Variants in OSR1 observed in about 807,000 individuals in gnomAD.
OSR1 encodes odd-skipped related transcription factor 1.
A neutral mutation model predicts 15.7 loss-of-function variants in OSR1; 3 were observed. That is an observed-to-expected ratio of 0.19 (90% confidence interval 0.09 to 0.50). The LOEUF is 0.50. Among genes scored for constraint, OSR1 ranks in the 20% least tolerant of loss-of-function variants. The pLI, the probability that OSR1 is intolerant of heterozygous loss-of-function variation, is 0.97. For missense variants in OSR1, 271 were observed against 351.1 expected, an observed-to-expected ratio of 0.77 and a Z score of 1.82; for synonymous variants, 166 against 152.7, an observed-to-expected ratio of 1.09 and a Z score of -0.64.
chr2:19,352,158 G>T lies in OSR1; in HGVS notation c.*117C>A. ...CGCCAGGGACCCAGGGGACAATGTT[G>T]GAGAGGTGGAAGGTCCCGAGCGAGC... is the stretch of plus-strand genomic sequence containing the variant. On this transcript the variant is annotated 3_prime_UTR_variant, in exon 3 of 3. Transcript: ENST00000272223. 8.3e-7 allele frequency: 1 copy of T among 1,206,656 alleles called. No homozygotes were observed. The highest frequency in any genetic ancestry group is 1.1e-6 in the Non-Finnish European group (1 of 874,134). The allele number at this position is 1,206,656 out of a possible 1,614,324, so 74.7% of individuals were successfully genotyped here.
downstream of OSR1, among the ~76,000 whole-genome samples, chr2:19,347,939 T>C (rs562799345): frequency 1.3e-4 from 20 of 152,356 alleles, 1 homozygote; most frequent in South Asian, 3.7e-3. Context: ...CCCCTGAGTT[T>C]GTGATCCCCA....
chr2:19,352,614 C>T (rs1410235991), intron 2 of OSR1, among the ~76,000 whole-genome samples: 1 of 152,020 alleles, frequency 6.6e-6, no homozygotes. Flanking sequence ...GATCCTTAAA[C>T]AGGTTCAGCC....
At position 19,353,712 on chromosome 2, in the gene OSR1, T is replaced by C; in HGVS notation, c.94A>G (p.Thr32Ala). The C allele has an allele frequency of 1.2e-6, 2 of 1,614,090 alleles. No individual in the cohort carries two copies. The highest frequency in any genetic ancestry group is 2.2e-5 in the East Asian group (1 of 44,864). The stretch of plus-strand genomic sequence containing the variant: ...TTGGGCAGATGGTCCGAAGGCACTG[T>C]GGGCAGGCCGTTCACTGCCTGAAGG... ...SFLQAVNGLP[T>A]VPSDHLPNLY... The change falls in exon 2 of 3, where the codon ACA becomes GCA. Residue 32 changes from threonine (T) to alanine (A), a missense_variant. Thr to Ala is a moderately conservative substitution (Grantham distance 58). Around this residue, in one of 4 missense-constraint regions of OSR1, gnomAD observed 210 missense variants for 218.4 expected, o/e 0.96. Transcript: ENST00000272223.
intron 1 of OSR1, chr2:19,354,780 A>C (rs2103362303): frequency 6.6e-6 from 1 of 152,070 alleles, no homozygotes; most frequent in South Asian, 2.1e-4. Context: ...TAGTGCCCTC[A>C]CTCCCCCAAA....
At position 19,351,688 on chromosome 2, in the gene OSR1, C is replaced by G. The variant is rs929396246; in HGVS notation, c.*587G>C. ...AGGTCCCCGTCCCGCTCTCCTAGTC[C>G]CGGAGCCCACGGCCGCCAGCTGAGC... On this transcript the variant is annotated 3_prime_UTR_variant, in exon 3 of 3. Coordinates refer to ENST00000272223, the MANE Select transcript of OSR1 (RefSeq NM_145260.3). The G allele has an allele frequency of 6.5e-6, 1 of 152,866 alleles. No individual in the cohort carries two copies. The highest frequency in any genetic ancestry group is 2.1e-4 in the South Asian group (1 of 4,838). 9.5% of individuals were successfully genotyped at this position (152,866 alleles called of 1,614,324 possible). A position where few individuals can be genotyped will look rare whatever the true frequency, so the allele number is the denominator to read the frequency against.
At position 19,353,485 on chromosome 2, in the gene OSR1, G is replaced by A; in HGVS notation, c.321C>T (p.Ser107=). ...GCGGCTTGGTCTTGAGCGCTGGAAC[G>A]CTGCCTCCAGCGGTGATCTCGGGCT... is the stretch of plus-strand genomic sequence containing the variant. The part of the protein sequence containing the change: ...QPKPEITAGG[S]VPALKTKPRF... Residue 107 remains serine (S), a synonymous_variant, in exon 2 of 3, where the codon AGC becomes AGT. Coordinates refer to ENST00000272223, the MANE Select transcript of OSR1 (RefSeq NM_145260.3). 1.2e-6 allele frequency: 2 copies of A among 1,614,140 alleles called. No homozygotes were observed. The highest frequency in any genetic ancestry group is 1.7e-6 in the Non-Finnish European group (2 of 1,179,974).
chr2:19,351,034 C>A (rs530553339), downstream of OSR1, among the ~76,000 whole-genome samples: 6 of 152,084 alleles, frequency 3.9e-5, no homozygotes, highest in Non-Finnish European at 7.4e-5. Context: ...TCTGTGAGGG[C>A]GGGTCCTTCC....
Position 19,353,746 on chromosome 2 carries a change from G to C in OSR1, c.60C>G (p.Asn20Lys), listed in dbSNP as rs755336350. Residue 20 changes from asparagine (N) to lysine (K), a missense_variant, in exon 2 of 3, where the codon AAC becomes AAG. Asn to Lys is a moderately conservative substitution (Grantham distance 94). Transcript: ENST00000272223. ...CGTTCACTGCCTGAAGGAAGGAGTA[G>C]TTGGTGAGCTGCAGGGAAGGGTGGA... is the stretch of plus-strand genomic sequence containing the variant. ...VPIHPSLQLT[N>K]YSFLQAVNGL... 1.2e-6 allele frequency: 2 copies of C among 1,614,038 alleles called. No homozygotes were observed. Among genetic ancestry groups the C allele is most frequent in the East Asian group, 4.5e-5 (2 of 44,870 alleles).
downstream of OSR1, among the ~76,000 whole-genome samples, chr2:19,348,074 G>C (rs1664766695): frequency 6.6e-6 from 1 of 152,258 alleles, no homozygotes; most frequent in Non-Finnish European, 1.5e-5. Context: ...CAGTGGGAGA[G>C]GAGGGCGGGG....
chr2:19,356,073 C>G (rs1157526798), intron 1 of OSR1: 1 of 152,584 alleles, frequency 6.6e-6, no homozygotes, highest in Non-Finnish European at 1.5e-5. Flanking sequence ...TCCCCCTGCT[C>G]CTCTGGGTGC....
chr2:19,356,492 C>G (rs566223958), intron 1 of OSR1: 1 of 152,346 alleles, frequency 6.6e-6, no homozygotes, highest in East Asian at 1.9e-4. Flanking sequence ...GCCGAAAGCA[C>G]GATCCGGTTT....
chr2:19,346,138 A>C, the OSR1 span, among the ~76,000 whole-genome samples: 30 of 152,236 alleles, frequency 2.0e-4, no homozygotes, highest in African/African-American at 7.2e-4. Flanking sequence ...CTCACTAGCA[A>C]AAAAAGTTGA....
intron 1 of OSR1, chr2:19,355,357 C>G (rs984289735): frequency 1.3e-5 from 2 of 152,698 alleles, no homozygotes; most frequent in African/African-American, 4.8e-5. Flanking sequence ...GCTCTGCTCC[C>G]TAGTTTGGCG....
In OSR1 at chr2:19,353,767, G is replaced by A. The variant is rs1484242805; in HGVS notation, c.39C>T (p.His13=). 1.2e-6 allele frequency: 2 copies of A among 1,613,316 alleles called. No individual in the cohort carries two copies. Among genetic ancestry groups the A allele is most frequent in the South Asian group, 1.1e-5 (1 of 90,974 alleles). Residue 13 remains histidine, a synonymous_variant, in exon 2 of 3, where the codon CAC becomes CAT. Coordinates refer to ENST00000272223, the MANE Select transcript of OSR1 (RefSeq NM_145260.3). The stretch of plus-strand genomic sequence containing the variant: ...AGTAGTTGGTGAGCTGCAGGGAAGG[G>A]TGGATAGGCACCGGCGCCGGCAAGG... ...SKTLPAPVPI[H]PSLQLTNYSF...
chr2:19,347,601 G>A (rs1664753372), downstream of OSR1, among the ~76,000 whole-genome samples: 1 of 152,208 alleles, frequency 6.6e-6, no homozygotes, highest in African/African-American at 2.4e-5. Context: ...CTACCAACTG[G>A]GCTCTAGAGA....
chr2:19,349,196 C>G (rs1330040853), downstream of OSR1, among the ~76,000 whole-genome samples: 1 of 152,224 alleles, frequency 6.6e-6, no homozygotes, highest in African/African-American at 2.4e-5. Flanking sequence ...TGAGTATGAG[C>G]AGGAAACTGG....
chr2:19,355,158 C>CAGGA (rs1174604530), intron 1 of OSR1: 1 of 152,328 alleles, frequency 6.6e-6, no homozygotes, highest in Admixed American at 6.5e-5. Context: ...AAGCACTGAA[C>CAGGA]TCCTGGCTCT....
downstream of OSR1, among the ~76,000 whole-genome samples, chr2:19,349,851 G>T (rs537154079): frequency 3.9e-5 from 6 of 152,184 alleles, no homozygotes; most frequent in African/African-American, 1.2e-4. Flanking sequence ...ACCATGGCCC[G>T]CAGCCTCCTG....
At position 19,353,755 on chromosome 2, in the gene OSR1, C is replaced by G; in HGVS notation, c.51G>C (p.Gln17His). 6.2e-7 allele frequency: 1 copy of G among 1,613,876 alleles called. No individual in the cohort carries two copies. Among genetic ancestry groups the G allele is most frequent in the Non-Finnish European group, 8.5e-7 (1 of 1,179,930 alleles). ...PAPVPIHPSL[Q>H]LTNYSFLQAV... ...CCTGAAGGAAGGAGTAGTTGGTGAG[C>G]TGCAGGGAAGGGTGGATAGGCACCG... The change falls in exon 2 of 3, where the codon CAG (glutamine) becomes CAC (histidine). Residue 17 changes from glutamine to histidine, a missense_variant. By Grantham distance (24) the Gln-to-His change is conservative. Coordinates refer to ENST00000272223, the MANE Select transcript of OSR1 (RefSeq NM_145260.3).
Sources: gnomAD v4.1 joint callset for allele counts (sites outside exome capture counted in the v4.1 genomes callset) on GRCh38, gnomAD v4.1.1 for gene constraint, gnomAD v4.1.1 regional missense constraint, MANE v1.5 for transcripts, NCBI Gene and HGNC (gene_info 2026-07-23, HGNC 2026-07-21) for gene names.